WNT9A: variants seen among roughly 807,000 people sequenced by gnomAD.
The protein encoded by WNT9A is Wnt family member 9A.
In WNT9A, 8 loss-of-function variants were observed where a neutral mutation model predicts 31.4. That is an observed-to-expected ratio of 0.26 (90% confidence interval 0.15 to 0.46). The LOEUF is 0.46. Ranked by LOEUF, WNT9A falls within the 20% of genes least tolerant of loss-of-function variation. The pLI is 0.99. For synonymous variants in WNT9A, 236 were observed against 220.1 expected (o/e 1.07, Z -0.64); for missense variants, 457 against 522.9 (o/e 0.87, Z 1.23).
intron 1 of WNT9A, among the ~76,000 whole-genome samples, chr1:227,939,351 G>A (rs1161196463): frequency 6.6e-6 from 1 of 152,212 alleles, no homozygotes; most frequent in Non-Finnish European, 1.5e-5. Context: ...CCCCACAGGA[G>A]TGGAGCTTAG....
At position 227,926,790 on chromosome 1, in the gene WNT9A, C is replaced by A. The variant is rs76552425; in HGVS notation, c.96-1271G>T. ...TGCCAGCTTGGGAAGGCTCCCCCCA[C>A]ACCCTCACATGGCCCTGCTAGACCC... On this transcript the variant is annotated intron_variant, in intron 1 of 3. Coordinates refer to ENST00000272164, the MANE Select transcript of WNT9A (RefSeq NM_003395.4). This position sits in a 1 kb window ranked among gnomAD's most constrained non-coding sequence, Gnocchi z 5.0. Among the ~76,000 whole-genome samples, 734 of 152,170 alleles carry A rather than the reference C, an allele frequency of 4.8e-3. 2 individuals are homozygous for A. Among genetic ancestry groups the A allele is most frequent in the South Asian group, 8.9e-3 (43 of 4,822 alleles).
chr1:227,946,879 C>A (rs904991013), intron 1 of WNT9A, among the ~76,000 whole-genome samples: 1 of 152,078 alleles, frequency 6.6e-6, no homozygotes, highest in Non-Finnish European at 1.5e-5. Context: ...CGGCCCAGGG[C>A]GTCCAGGTCG....
At chr1:227,933,990 G>A (rs919916443) in intron 1 of WNT9A, among the ~76,000 whole-genome samples, 9 of 152,284 alleles carry the variant, frequency 5.9e-5, no homozygotes, top group East Asian at 1.9e-4. Context: ...CAATGTCCTC[G>A]AGGTTCATCT....
At chr1:227,936,976 C>A (rs1305491079) in intron 1 of WNT9A, among the ~76,000 whole-genome samples, 3 of 152,202 alleles carry the variant, frequency 2.0e-5, no homozygotes, top group Non-Finnish European at 2.9e-5. Flanking sequence ...CTGGCATGGC[C>A]TCCCCGTGTC....
intron 1 of WNT9A, among the ~76,000 whole-genome samples, chr1:227,940,820 C>T (rs1486270558): frequency 6.6e-6 from 1 of 152,268 alleles, no homozygotes; most frequent in African/African-American, 2.4e-5. Context: ...GCCCAGCCAG[C>T]CAGGACCATG....
intron 1 of WNT9A, among the ~76,000 whole-genome samples, chr1:227,929,406 A>T (rs1291447875): frequency 6.6e-6 from 1 of 152,282 alleles, no homozygotes; most frequent in African/African-American, 2.4e-5. Flanking sequence ...AAACTTTAAA[A>T]ATAATCCACT....
Position 227,921,326 on chromosome 1 carries a change from AC to A in WNT9A, c.*191del. ...CAGCTAGGACTGAGCCCAGGGACTC[AC>A]CCCACGCTGCTAGGTCTGAGCCCAG... On this transcript the variant is annotated 3_prime_UTR_variant, in exon 4 of 4. Transcript: ENST00000272164. 1 of 842,430 alleles carries A rather than the reference AC, an allele frequency of 1.2e-6. No homozygotes were observed. The highest frequency in any genetic ancestry group is 1.8e-6 in the Non-Finnish European group (1 of 560,758). 52.2% of individuals were successfully genotyped at this position (842,430 alleles called of 1,614,324 possible).
chr1:227,947,733 C>T, intron 1 of WNT9A, 60 bp downstream of exon 1: 1 of 1,001,304 alleles, frequency 1.0e-6, no homozygotes, highest in Non-Finnish European at 1.2e-6. Flanking sequence ...CTCCGGACGA[C>T]CCCGCCCCGG....
chr1:227,937,976 CA>C (rs1270706709), intron 1 of WNT9A, among the ~76,000 whole-genome samples: 1 of 152,220 alleles, frequency 6.6e-6, no homozygotes, highest in Non-Finnish European at 1.5e-5. Context: ...GGCCTCAGCG[CA>C]CACGTGGTGG....
At chr1:227,940,927 C>T (rs764043860) in intron 1 of WNT9A, among the ~76,000 whole-genome samples, 4 of 152,248 alleles carry the variant, frequency 2.6e-5, no homozygotes, top group Non-Finnish European at 4.4e-5. Flanking sequence ...GCAAGACCAT[C>T]CCCAGCCACC....
At position 227,919,430 on chromosome 1, in the gene WNT9A, G is replaced by GGGAC. The variant is rs1375288227; in HGVS notation, c.*2084_*2087dup. ...AAAGGTTCTTATGTACTATAACACA[G>GGGAC]GGACGGCAGAGACCCACAGCAACAT... On this transcript the variant is annotated 3_prime_UTR_variant, in exon 4 of 4. Transcript: ENST00000272164. The GGGAC allele has an allele frequency of 6.6e-6, 1 of 152,184 alleles. No individual in the cohort carries two copies. Among genetic ancestry groups the GGGAC allele is most frequent in the East Asian group, 1.9e-4 (1 of 5,200 alleles). 9.4% of individuals were successfully genotyped at this position (152,184 alleles called of 1,614,324 possible).
chr1:227,922,418 G>T (rs1572122954), intron 3 of WNT9A, among the ~76,000 whole-genome samples: 1 of 152,346 alleles, frequency 6.6e-6, no homozygotes, highest in East Asian at 1.9e-4. Context: ...GGACAAACAT[G>T]ACCTCATCTA....
intron 1 of WNT9A, among the ~76,000 whole-genome samples, chr1:227,931,227 G>A (rs1030996865): frequency 1.3e-5 from 2 of 152,112 alleles, no homozygotes; most frequent in African/African-American, 4.8e-5. Flanking sequence ...TTGTCTTCCT[G>A]GACTCAACCT....
At chr1:227,939,442 T>C (rs570301832) in intron 1 of WNT9A, among the ~76,000 whole-genome samples, 2 of 152,250 alleles carry the variant, frequency 1.3e-5, no homozygotes, top group East Asian at 1.9e-4. Flanking sequence ...TGCTTGGGGA[T>C]TGGGCCACCC....
At chr1:227,935,292 C>T (rs901259005) in intron 1 of WNT9A, among the ~76,000 whole-genome samples, 2 of 151,960 alleles carry the variant, frequency 1.3e-5, no homozygotes, top group Non-Finnish European at 2.9e-5. Context: ...AGACACAGTT[C>T]ACATACAGAG....
At chr1:227,932,777 C>T (rs1479971415) in intron 1 of WNT9A, among the ~76,000 whole-genome samples, 1 of 152,190 alleles carries the variant, frequency 6.6e-6, no homozygotes, top group Non-Finnish European at 1.5e-5. Context: ...CGGGACACTG[C>T]CAATGAGCAA....
chr1:227,939,800 C>G (rs1484670286), intron 1 of WNT9A, among the ~76,000 whole-genome samples: 1 of 152,208 alleles, frequency 6.6e-6, no homozygotes, highest in East Asian at 1.9e-4. Context: ...CGTTTAATTT[C>G]TGTGTGAAAC....
chr1:227,939,158 C>T (rs2102728705), intron 1 of WNT9A, among the ~76,000 whole-genome samples: 1 of 152,374 alleles, frequency 6.6e-6, no homozygotes, highest in Middle Eastern at 3.4e-3. Flanking sequence ...CTGCGGCTGC[C>T]ATGCCACAGG....
rs1666306296 is a variant in WNT9A, at chr1:227,921,216, T to C, written c.*302A>G. On this transcript the variant is annotated 3_prime_UTR_variant, in exon 4 of 4. Transcript: ENST00000272164. ...CACACCGTGTGCAATGCCTGTGCCA[T>C]GTGCAGCAGGGCTGACTGGGCCCAG... The C allele has an allele frequency of 5.5e-6, 2 of 362,364 alleles. No homozygotes were observed. Among genetic ancestry groups the C allele is most frequent in the Admixed American group, 4.0e-5 (1 of 24,808 alleles). The allele number at this position is 362,364 out of a possible 1,614,324, so 22.4% of individuals were successfully genotyped here. A position where few individuals can be genotyped will look rare whatever the true frequency, so the allele number is the denominator to read the frequency against.
Sources: gnomAD v4.1 joint callset for allele counts (sites outside exome capture counted in the v4.1 genomes callset) on GRCh38, gnomAD v4.1.1 for gene constraint, Gnocchi (gnomAD v3.1) non-coding constraint, MANE v1.5 for transcripts, NCBI Gene and HGNC (gene_info 2026-07-23, HGNC 2026-07-21) for gene names.